SLCO1B3: variants seen among roughly 807,000 people sequenced by gnomAD.
SLCO1B3 encodes the protein solute carrier organic anion transporter family member 1B3.
A neutral mutation model predicts 71.8 loss-of-function variants in SLCO1B3; 72 were observed. That is an observed-to-expected ratio of 1.00 (90% CI 0.83 to 1.22). The LOEUF (loss-of-function observed/expected upper bound fraction) is 1.22. Ranked by LOEUF, SLCO1B3 falls within the 50% of genes most tolerant of loss-of-function variation. The pLI, the probability that SLCO1B3 is intolerant of heterozygous loss-of-function variation, is 0.00. For synonymous variants in SLCO1B3, 298 were observed against 278.4 expected (o/e 1.07, Z -0.70); for missense variants, 911 against 819.7 (o/e 1.11, Z -1.36).
At chr12:20,859,153 G>T (rs925942335) in intron 5 of SLCO1B3, among the ~76,000 whole-genome samples, 5 of 152,234 alleles carry the variant, frequency 3.3e-5, no homozygotes, top group African/African-American at 1.2e-4. Context: ...ACAAATTGTG[G>T]CAATGTATTT....
At chr12:20,841,884 GT>G (rs57925057) in intron 3 of SLCO1B3, among the ~76,000 whole-genome samples, 55 of 132,242 alleles carry the variant, frequency 4.2e-4, no homozygotes, top group African/African-American at 8.0e-4. Flanking sequence ...GTTGGATGTA[GT>G]TTTTTTTTTT....
intron 3 of SLCO1B3, among the ~76,000 whole-genome samples, chr12:20,830,523 T>C (rs1425610628): frequency 6.6e-6 from 1 of 152,140 alleles, no homozygotes; most frequent in East Asian, 1.9e-4. Flanking sequence ...TTAAACAAGA[T>C]AAAGTGAACA....
chr12:20,879,302 A>T, intron 10 of SLCO1B3, 134 bp from the exon 11 acceptor site: 1 of 475,982 alleles, frequency 2.1e-6, no homozygotes, highest in Non-Finnish European at 3.4e-6. Context: ...TCCGCCTCCC[A>T]GGTTCTCCAC....
At chr12:20,820,834 G>T (rs916341514) in intron 3 of SLCO1B3, among the ~76,000 whole-genome samples, 1 of 152,050 alleles carries the variant, frequency 6.6e-6, no homozygotes, top group South Asian at 2.1e-4. Flanking sequence ...GAGCCTAAAC[G>T]CTTCTGATTT....
intron 3 of SLCO1B3, among the ~76,000 whole-genome samples, chr12:20,822,588 A>T (rs1027504172): frequency 6.6e-6 from 1 of 152,094 alleles, no homozygotes; most frequent in Non-Finnish European, 1.5e-5. Context: ...AGGGGATGGG[A>T]TGGCTTGGCT....
chr12:20,901,645 CTG>C (rs1866136492), intron 15 of SLCO1B3, among the ~76,000 whole-genome samples, 178 bp downstream of exon 15: 1 of 152,128 alleles, frequency 6.6e-6, no homozygotes, highest in South Asian at 2.1e-4. Flanking sequence ...CTCATAGAAA[CTG>C]TAGGAAATGT....
Position 20,898,429 on chromosome 12 carries a change from A to G in SLCO1B3, c.1683-7A>G, listed in dbSNP as rs1866059548. On this transcript the variant is annotated splice_polypyrimidine_tract_variant and splice_region_variant and intron_variant, in intron 13 of 15. Coordinates refer to ENST00000381545, the MANE Select transcript of SLCO1B3 (RefSeq NM_019844.4). ...TGTATTATTTCTTTGCCTTTATCATATTTCAGGATTGTTCAACCTGAATTG... is the reference window on the plus strand; with the variant it reads ...TGTATTATTTCTTTGCCTTTATCATGTTTCAGGATTGTTCAACCTGAATTG... The G allele has an allele frequency of 6.3e-7, 1 of 1,580,158 alleles. No individual in the cohort carries two copies. The highest frequency in any genetic ancestry group is 1.1e-5 in the South Asian group (1 of 89,602).
chr12:20,867,740 A>C (rs1177903194), intron 8 of SLCO1B3, among the ~76,000 whole-genome samples: 1 of 152,222 alleles, frequency 6.6e-6, no homozygotes, highest in African/African-American at 2.4e-5. Flanking sequence ...TATCATATAG[A>C]AACATTTTCA....
rs577329227 is a variant in SLCO1B3 at position 20,859,463 on chromosome 12, T to C, written c.359+892T>C. On this transcript the variant is annotated intron_variant, in intron 5 of 15. Coordinates refer to ENST00000381545, the MANE Select transcript of SLCO1B3 (RefSeq NM_019844.4). Reference sequence around the variant, plus strand: ...ATGCCAAATCCAGCAATCATGCCTGTTGGTCACCATATGAATTCTGTTTTT... The same window carrying C: ...ATGCCAAATCCAGCAATCATGCCTGCTGGTCACCATATGAATTCTGTTTTT... Among the ~76,000 whole-genome samples the C allele has an allele frequency of 1.7e-3, 266 of 152,122 alleles. No individual in the cohort carries two copies. The Middle Eastern group carries it at 0.027, about 16-fold the overall frequency.
At chr12:20,848,817 C>G (rs1460310269) in intron 3 of SLCO1B3, among the ~76,000 whole-genome samples, 1 of 151,804 alleles carries the variant, frequency 6.6e-6, no homozygotes, top group African/African-American at 2.4e-5. Flanking sequence ...CAGTAGTTGC[C>G]AAGTGTTTGA....
chr12:20,853,718 A>G (rs190455972), intron 3 of SLCO1B3, among the ~76,000 whole-genome samples: 4 of 151,448 alleles, frequency 2.6e-5, no homozygotes, highest in Non-Finnish European at 4.4e-5. Flanking sequence ...TTTATTTTCT[A>G]TTTTATTTTT....
chr12:20,854,077 TATA>T (rs1692096326), intron 3 of SLCO1B3, among the ~76,000 whole-genome samples: 1 of 152,154 alleles, frequency 6.6e-6, no homozygotes, highest in Admixed American at 6.5e-5. Context: ...AGATACTTAA[TATA>T]ATTACAACAT....
At chr12:20,906,597 A>C (rs887851207) in intron 15 of SLCO1B3, among the ~76,000 whole-genome samples, 14 of 152,192 alleles carry the variant, frequency 9.2e-5, no homozygotes, top group African/African-American at 2.9e-4. Context: ...GGGCAGGGAG[A>C]TCTCCATACA....
intron 13 of SLCO1B3, among the ~76,000 whole-genome samples, chr12:20,895,227 C>T (rs1359063736): frequency 6.6e-6 from 1 of 152,134 alleles, no homozygotes; most frequent in Non-Finnish European, 1.5e-5. Context: ...CATTTCAATA[C>T]CAATCATTCT....
intron 3 of SLCO1B3, among the ~76,000 whole-genome samples, chr12:20,820,538 G>A (rs1203780042): frequency 1.3e-5 from 2 of 152,172 alleles, no homozygotes; most frequent in Non-Finnish European, 2.9e-5. Context: ...GTTCTTGTGT[G>A]CTGGAGATGT....
intron 3 of SLCO1B3, among the ~76,000 whole-genome samples, chr12:20,826,848 A>T (rs1019553730): frequency 5.3e-5 from 8 of 152,090 alleles, no homozygotes; most frequent in Non-Finnish European, 1.2e-4. Context: ...TTAGACAAAA[A>T]TTATTTTCCT....
intron 6 of SLCO1B3, among the ~76,000 whole-genome samples, chr12:20,861,878 A>T (rs1865273336): frequency 6.6e-6 from 1 of 152,160 alleles, no homozygotes; most frequent in African/African-American, 2.4e-5. Flanking sequence ...TCTTAAGGAA[A>T]TCATCAGTAA....
At chr12:20,829,955 T>A (rs1864505385) in intron 3 of SLCO1B3, among the ~76,000 whole-genome samples, 1 of 152,164 alleles carries the variant, frequency 6.6e-6, no homozygotes, top group Non-Finnish European at 1.5e-5. Context: ...TTTGGCCAGC[T>A]CCTTTACTGC....
rs141199516 is a variant in SLCO1B3, at chr12:20,891,704, G to A, written c.1683-6732G>A. Among the ~76,000 whole-genome samples, 649 of 152,036 alleles carry A rather than the reference G, an allele frequency of 4.3e-3. 2 individuals are homozygous for A. The highest frequency in any genetic ancestry group is 7.1e-3 in the Non-Finnish European group (481 of 67,948). On this transcript the variant is annotated intron_variant, in intron 13 of 15. Coordinates refer to ENST00000381545, the MANE Select transcript of SLCO1B3 (RefSeq NM_019844.4). ...ATTCCATAATCCCATATGTCCTGAA[G>A]GTTCTGTTAGGTTTTTCAATTTACT...
Sources: allele counts gnomAD v4.1 joint callset (sites outside exome capture counted in the v4.1 genomes callset), GRCh38; gene constraint gnomAD v4.1.1; transcripts MANE v1.5; gene names NCBI Gene and HGNC (gene_info 2026-07-23, HGNC 2026-07-21).